Variants in CCND3 observed in about 807,000 individuals in gnomAD.
CCND3 encodes G1/S-specific cyclin-D3.
Under a neutral mutation model 28.7 loss-of-function variants are expected in CCND3, and 9 were observed. That is an observed-to-expected ratio of 0.31 (90% CI 0.19 to 0.55). The LOEUF is 0.55. Among genes scored for constraint, CCND3 ranks in the 20% least tolerant of loss-of-function variants. The pLI is 0.93. For synonymous variants in CCND3, 164 were observed against 163.9 expected (o/e 1.00, Z 0.00); for missense variants, 315 against 385.8 (o/e 0.82, Z 1.54).
chr6:41,995,421 C>G (rs924895661), intron 1 of CCND3, among the ~76,000 whole-genome samples: 1 of 151,986 alleles, frequency 6.6e-6, no homozygotes, highest in Non-Finnish European at 1.5e-5. Context: ...CCACACCCGG[C>G]TAATTTTAGT....
intron 1 of CCND3, among the ~76,000 whole-genome samples, chr6:41,951,216 T>C (rs1776303650): frequency 6.6e-6 from 1 of 151,714 alleles, no homozygotes; most frequent in Non-Finnish European, 1.5e-5. Flanking sequence ...CTGAATTCCA[T>C]GAAACAGCCA....
chr6:42,045,768 T>C (rs962010783), intron 1 of CCND3, among the ~76,000 whole-genome samples: 21 of 152,266 alleles, frequency 1.4e-4, no homozygotes, highest in Admixed American at 2.0e-4. Context: ...ACACATCTAC[T>C]GCTCAGCAGG....
intron 1 of CCND3, among the ~76,000 whole-genome samples, chr6:41,983,099 C>T (rs963749842): frequency 1.3e-5 from 2 of 152,090 alleles, no homozygotes; most frequent in African/African-American, 4.8e-5. Context: ...ATATGTTGGC[C>T]GGGTGCAGTG....
intron 1 of CCND3, among the ~76,000 whole-genome samples, chr6:41,958,640 T>C (rs1776496973): frequency 6.6e-6 from 1 of 152,222 alleles, no homozygotes; most frequent in African/African-American, 2.4e-5. Flanking sequence ...TTGACTCAAG[T>C]ATGTGGGTTT....
At chr6:41,978,237 G>T (rs1044589890) in intron 1 of CCND3, among the ~76,000 whole-genome samples, 2 of 151,828 alleles carry the variant, frequency 1.3e-5, no homozygotes, top group African/African-American at 4.8e-5. Flanking sequence ...AGCCGGGCAC[G>T]GTGGCGGGCA....
At chr6:41,946,910 C>T (rs1292324578) in intron 1 of CCND3, among the ~76,000 whole-genome samples, 1 of 151,604 alleles carries the variant, frequency 6.6e-6, no homozygotes, top group Non-Finnish European at 1.5e-5. Context: ...CATGGCAAAA[C>T]CCCATCTTTA....
At chr6:41,954,257 A>T (rs1582103213) in intron 1 of CCND3, among the ~76,000 whole-genome samples, 1 of 91,398 alleles carries the variant, frequency 1.1e-5, no homozygotes, top group East Asian at 5.4e-4. Context: ...CCTTAAAAAA[A>T]AAAAAAAAAA....
intron 1 of CCND3, among the ~76,000 whole-genome samples, chr6:42,000,560 G>T (rs1373614047): frequency 3.2e-5 from 1 of 31,712 alleles, no homozygotes; most frequent in Non-Finnish European, 6.2e-5. Context: ...TGGGTGAAAC[G>T]AATCTTTTTT....
chr6:41,990,660 ATTTTTTTTTTTTTT>A (rs67939325), intron 1 of CCND3, among the ~76,000 whole-genome samples: 1 of 121,276 alleles, frequency 8.2e-6, no homozygotes. Flanking sequence ...TAACCAACTG[ATTTTTTTTTTTTTT>A]TTTTTTTTTT....
At chr6:41,977,944 A>C (rs941748762) in intron 1 of CCND3, among the ~76,000 whole-genome samples, 5 of 152,160 alleles carry the variant, frequency 3.3e-5, no homozygotes, top group Non-Finnish European at 7.3e-5. Flanking sequence ...AGTCCCAGCT[A>C]CTTGGGAGGC....
intron 1 of CCND3, among the ~76,000 whole-genome samples, chr6:42,015,022 CA>C (rs1456445402): frequency 6.6e-6 from 1 of 152,170 alleles, no homozygotes; most frequent in Non-Finnish European, 1.5e-5. Context: ...TAGTCAATAT[CA>C]ATAGCAAATA....
chr6:41,937,325 C>T lies in CCND3; in HGVS notation c.484G>A (p.Ala162Thr), dbSNP rs753011743. The change falls in exon 3 of 5, where the codon GCC (alanine) becomes ACC (threonine). Residue 162 changes from alanine to threonine, a missense_variant. By Grantham distance (58) the Ala-to-Thr change is moderately conservative. Coordinates refer to ENST00000372991, the MANE Select transcript of CCND3 (RefSeq NM_001760.5). ...AGAGAGAGCCGGTGCAGAATGAAGG[C>T]CAGGAAATCATGTGCAATCACAGCA... ...LAAVIAHDFL[A>T]FILHRLSLPR... The T allele has an allele frequency of 7.4e-6, 12 of 1,614,122 alleles. No individual in the cohort carries two copies. In the South Asian group the frequency reaches 1.3e-4, roughly 18 times the overall value.
intron 1 of CCND3, among the ~76,000 whole-genome samples, chr6:42,000,875 T>C (rs1323148792): frequency 6.6e-6 from 1 of 151,186 alleles, no homozygotes; most frequent in African/African-American, 2.4e-5. Context: ...ATGAAACAAA[T>C]CTTTAATGGA....
Position 41,982,046 on chromosome 6 carries a change from G to C in CCND3, c.-45-41461C>G, listed in dbSNP as rs185748256. Among the ~76,000 whole-genome samples, 20 of 151,532 alleles carry C rather than the reference G, an allele frequency of 1.3e-4. No homozygotes were observed. In the East Asian group the frequency reaches 3.6e-3, roughly 27 times the overall value. On this transcript the variant is annotated intron_variant, in intron 1 of 4. Transcript: ENST00000372988. Reference sequence around the variant, plus strand: ...GCACTTTGGGAGGCTGAGGCGGGCAGATCACCTGAGGTCAGGAGTTCGAGA... The same window carrying C: ...GCACTTTGGGAGGCTGAGGCGGGCACATCACCTGAGGTCAGGAGTTCGAGA...
chr6:41,993,317 G>A (rs1762706749), intron 1 of CCND3, among the ~76,000 whole-genome samples: 1 of 151,808 alleles, frequency 6.6e-6, no homozygotes, highest in South Asian at 2.1e-4. Context: ...CAGCATAGAT[G>A]ATACCTCATT....
At chr6:42,033,720 C>T (rs1007693367) in intron 1 of CCND3, among the ~76,000 whole-genome samples, 31 of 150,690 alleles carry the variant, frequency 2.1e-4, no homozygotes, top group Non-Finnish European at 4.1e-4. Flanking sequence ...CATGGTGGTG[C>T]ATACTGTAAT....
intron 1 of CCND3, among the ~76,000 whole-genome samples, chr6:42,036,515 TC>T (rs962627201): frequency 1.4e-5 from 2 of 140,736 alleles, no homozygotes; most frequent in Non-Finnish European, 3.0e-5. Flanking sequence ...GTTCAAGCAA[TC>T]CTCCCACCTC....
chr6:42,011,991 A>G (rs917357711), intron 1 of CCND3, among the ~76,000 whole-genome samples: 1 of 152,166 alleles, frequency 6.6e-6, no homozygotes, highest in Non-Finnish European at 1.5e-5. Flanking sequence ...TCTGTCAAAC[A>G]GGGTTACAGG....
In CCND3 at chr6:41,962,726, G is replaced by A. The variant is rs374118732; in HGVS notation, c.-45-22141C>T. ...ATCATGCTACTGCCCGCCAGCCTGC[G>A]TGACAAGAGTGAGATCCTGTCTCAA... On this transcript the variant is annotated intron_variant, in intron 1 of 4. Coordinates refer to the CCND3 transcript ENST00000372988. Among the ~76,000 whole-genome samples, 11 of 151,576 alleles carry A rather than the reference G, an allele frequency of 7.3e-5. No individual in the cohort carries two copies. In the South Asian group the frequency reaches 1.0e-3, roughly 14 times the overall value.
Sources: gnomAD v4.1 joint callset for allele counts (sites outside exome capture counted in the v4.1 genomes callset) on GRCh38, gnomAD v4.1.1 for gene constraint, MANE v1.5 for transcripts, NCBI Gene and HGNC (gene_info 2026-07-23, HGNC 2026-07-21) for gene names.